Variants in SLC25A21 observed in about 807,000 individuals in gnomAD.
SLC25A21 encodes the protein solute carrier family 25 member 21.
In SLC25A21, 47 loss-of-function variants were observed where a neutral mutation model predicts 43.8. That is an observed-to-expected ratio of 1.07 (90% CI 0.85 to 1.37). SLC25A21 has a LOEUF of 1.37. Among genes scored for constraint, SLC25A21 ranks in the 40% most tolerant of loss-of-function variants. The pLI is 0.00. For missense variants in SLC25A21, 352 were observed against 350.2 expected, an observed-to-expected ratio of 1.00 and a Z score of -0.04; for synonymous variants, 131 against 121.3, an observed-to-expected ratio of 1.08 and a Z score of -0.52.
intron 1 of SLC25A21, among the ~76,000 whole-genome samples, chr14:36,977,240 G>A (rs1055938650): frequency 2.0e-5 from 3 of 152,084 alleles, no homozygotes; most frequent in Non-Finnish European, 4.4e-5. Context: ...ATTATCGGGG[G>A]AAGGAGAAAG....
intron 1 of SLC25A21, among the ~76,000 whole-genome samples, chr14:37,014,150 G>A (rs1014233418): frequency 2.6e-5 from 4 of 152,026 alleles, no homozygotes; most frequent in Non-Finnish European, 4.4e-5. Context: ...GGCAGCTGTG[G>A]CAGTTTCTTT....
intron 1 of SLC25A21, among the ~76,000 whole-genome samples, chr14:37,115,522 G>T (rs1200351947): frequency 3.3e-5 from 5 of 152,170 alleles, no homozygotes; most frequent in Non-Finnish European, 7.4e-5. Context: ...TAACTCCAAA[G>T]AACTCAAGGG....
chr14:36,904,164 C>T (rs755471291), intron 1 of SLC25A21, among the ~76,000 whole-genome samples: 1 of 152,238 alleles, frequency 6.6e-6, no homozygotes, highest in East Asian at 1.9e-4. Context: ...TTGAGGGGGA[C>T]GCTATAGGCT....
At chr14:36,993,670 T>G (rs1237499715) in intron 1 of SLC25A21, among the ~76,000 whole-genome samples, 1 of 152,174 alleles carries the variant, frequency 6.6e-6, no homozygotes, top group African/African-American at 2.4e-5. Flanking sequence ...TATTTTCATT[T>G]CCAGACAATA....
chr14:37,009,135 T>G (rs1253898523), intron 1 of SLC25A21, among the ~76,000 whole-genome samples: 1 of 152,198 alleles, frequency 6.6e-6, no homozygotes, highest in Non-Finnish European at 1.5e-5. Context: ...GCTGCCTAGA[T>G]TCTATTCATT....
At chr14:36,720,139 C>G (rs1367337060) in intron 6 of SLC25A21, among the ~76,000 whole-genome samples, 2 of 152,222 alleles carry the variant, frequency 1.3e-5, no homozygotes, top group African/African-American at 2.4e-5. Context: ...ACCATGCTCT[C>G]TGCACCTGGA....
intron 2 of SLC25A21, among the ~76,000 whole-genome samples, chr14:36,852,977 A>G (rs1158054976): frequency 6.6e-6 from 1 of 151,766 alleles, no homozygotes; most frequent in Non-Finnish European, 1.5e-5. Context: ...GCTAGAACTT[A>G]TGTCCCTGGT....
At chr14:36,709,638 G>T (rs536880134) in intron 7 of SLC25A21, among the ~76,000 whole-genome samples, 1 of 152,270 alleles carries the variant, frequency 6.6e-6, no homozygotes, top group East Asian at 1.9e-4. Flanking sequence ...TAACAACTTT[G>T]GTTAGTGAAG....
intron 7 of SLC25A21, among the ~76,000 whole-genome samples, chr14:36,695,117 T>G (rs970661129): frequency 1.3e-5 from 2 of 152,022 alleles, no homozygotes; most frequent in Non-Finnish European, 1.5e-5. Flanking sequence ...AGTTTCAGCT[T>G]TCTACATATG....
At chr14:36,839,934 TG>T (rs1889330318) in intron 2 of SLC25A21, among the ~76,000 whole-genome samples, 1 of 152,224 alleles carries the variant, frequency 6.6e-6, no homozygotes, top group African/African-American at 2.4e-5. Flanking sequence ...TATAATCTCA[TG>T]GGACCACCAT....
intron 1 of SLC25A21, among the ~76,000 whole-genome samples, chr14:36,901,889 G>A (rs1158443679): frequency 6.6e-6 from 1 of 152,158 alleles, no homozygotes; most frequent in Non-Finnish European, 1.5e-5. Context: ...TGCATCAAAT[G>A]TCATCTTCAT....
chr14:36,777,015 T>C (rs1594578494), intron 3 of SLC25A21, among the ~76,000 whole-genome samples: 1 of 152,118 alleles, frequency 6.6e-6, no homozygotes, highest in Non-Finnish European at 1.5e-5. Context: ...ATCCCAGCAC[T>C]CTGGGAGGCC....
At chr14:37,014,294 G>C (rs1229034628) in intron 1 of SLC25A21, among the ~76,000 whole-genome samples, 1 of 152,080 alleles carries the variant, frequency 6.6e-6, no homozygotes, top group Non-Finnish European at 1.5e-5. Context: ...CAAAATTAGA[G>C]TTAATCCACT....
intron 1 of SLC25A21, among the ~76,000 whole-genome samples, chr14:36,973,028 ATTTTAT>A (rs148353365): frequency 0.11 from 15,947 of 149,182 alleles, 2,320 homozygotes; most frequent in African/African-American, 0.33. Context: ...TATTTATTTT[ATTTTAT>A]TTTATTTTAT....
At chr14:37,117,874 T>G (rs1414019298) in intron 1 of SLC25A21, among the ~76,000 whole-genome samples, 5 of 147,740 alleles carry the variant, frequency 3.4e-5, no homozygotes, top group African/African-American at 1.2e-4. Flanking sequence ...GTTTGTTTTT[T>G]TTTTTTGTCA....
intron 1 of SLC25A21, among the ~76,000 whole-genome samples, chr14:36,957,416 C>T (rs1594718978): frequency 6.6e-6 from 1 of 152,306 alleles, no homozygotes; most frequent in African/African-American, 2.4e-5. Context: ...CATTAATGTG[C>T]TGTGTGACTT....
chr14:37,079,919 G>A (rs1163828180), intron 1 of SLC25A21, among the ~76,000 whole-genome samples: 2 of 152,140 alleles, frequency 1.3e-5, no homozygotes, highest in African/African-American at 4.8e-5. Flanking sequence ...CAAGGGTGGA[G>A]CCTCATGAAT....
At chr14:36,820,009 C>A (rs923973778) in intron 2 of SLC25A21, among the ~76,000 whole-genome samples, 5 of 152,148 alleles carry the variant, frequency 3.3e-5, no homozygotes, top group Middle Eastern at 3.2e-3. Flanking sequence ...TAGCACACGA[C>A]TCTGCTTTTT....
intron 1 of SLC25A21, among the ~76,000 whole-genome samples, chr14:37,056,498 A>AG (rs1220521560): frequency 2.0e-5 from 3 of 151,950 alleles, no homozygotes; most frequent in Admixed American, 2.0e-4. Flanking sequence ...CAAAAAAAAA[A>AG]AAAAAAATTA....
Sources: gnomAD v4.1 joint callset for allele counts (sites outside exome capture counted in the v4.1 genomes callset) on GRCh38, gnomAD v4.1.1 for gene constraint, MANE v1.5 for transcripts, NCBI Gene and HGNC (gene_info 2026-07-23, HGNC 2026-07-21) for gene names.